Variants in ST3GAL2 observed in about 807,000 individuals in gnomAD.
The protein encoded by ST3GAL2 is ST3 beta-galactoside alpha-2,3-sialyltransferase 2.
A neutral mutation model predicts 37.5 loss-of-function variants in ST3GAL2; 16 were observed. The ratio of observed to expected loss-of-function variants is 0.43; its 90% CI spans 0.29 to 0.65. The LOEUF is 0.65. Ranked by LOEUF, ST3GAL2 falls within the 30% of genes least tolerant of loss-of-function variation. The pLI is 0.17. For missense variants in ST3GAL2, 383 were observed against 487.8 expected, an observed-to-expected ratio of 0.79 and a Z score of 2.02; for synonymous variants, 238 against 202.9, an observed-to-expected ratio of 1.17 and a Z score of -1.47.
chr16:70,436,979 T>A (rs946918205), intron 1 of ST3GAL2, among the ~76,000 whole-genome samples: 1 of 151,862 alleles, frequency 6.6e-6, no homozygotes, highest in Non-Finnish European at 1.5e-5. Context: ...CCTCCCCAAA[T>A]CCCCAATCCT....
At chr16:70,390,869 T>C (rs2047477660) in intron 3 of ST3GAL2, among the ~76,000 whole-genome samples, 1 of 152,222 alleles carries the variant, frequency 6.6e-6, no homozygotes, top group Non-Finnish European at 1.5e-5. Context: ...GTCTTTTTTT[T>C]TCTGTTATGA....
In ST3GAL2 at chr16:70,398,626, G is replaced by A; in HGVS notation, c.-96C>T. On this transcript the variant is annotated 5_prime_UTR_variant, in exon 2 of 7. Coordinates refer to ENST00000342907, the MANE Select transcript of ST3GAL2 (RefSeq NM_006927.4). Reference sequence around the variant, plus strand: ...TAGCCTGCCTATTCTGGCACCACATGCAAAGGGCATAGGGGCACGTGCTGC... The same window carrying A: ...TAGCCTGCCTATTCTGGCACCACATACAAAGGGCATAGGGGCACGTGCTGC... 8.1e-7 allele frequency: 1 copy of A among 1,241,798 alleles called. No individual in the cohort carries two copies. Among genetic ancestry groups the A allele is most frequent in the South Asian group, 1.4e-5 (1 of 69,038 alleles). The allele number at this position is 1,241,798 out of a possible 1,614,324, so 76.9% of individuals were successfully genotyped here.
intron 1 of ST3GAL2, among the ~76,000 whole-genome samples, chr16:70,429,801 C>T (rs1567678331): frequency 6.6e-6 from 1 of 151,650 alleles, no homozygotes; most frequent in African/African-American, 2.4e-5. Flanking sequence ...TCCACCACAC[C>T]CGGCTAATTT....
chr16:70,382,939 G>A lies in ST3GAL2; in HGVS notation c.760-15C>T. ...TAGATCTGGACCTGGGAGGAGAAGG[G>A]ATGACAGGTATATGAGGGGTTTAGG... On this transcript the variant is annotated splice_polypyrimidine_tract_variant and intron_variant, in intron 5 of 6. Transcript: ENST00000342907. 1 of 1,611,672 alleles carries A rather than the reference G, an allele frequency of 6.2e-7. No individual in the cohort carries two copies. The highest frequency in any genetic ancestry group is 1.1e-5 in the South Asian group (1 of 90,764).
At chr16:70,389,715 C>T (rs2047469590) in intron 3 of ST3GAL2, among the ~76,000 whole-genome samples, 2 of 152,222 alleles carry the variant, frequency 1.3e-5, no homozygotes, top group Non-Finnish European at 2.9e-5. Context: ...GCGCCGGCCT[C>T]GGCCTCCCAA....
intron 3 of ST3GAL2, among the ~76,000 whole-genome samples, chr16:70,390,826 A>G (rs918851347): frequency 2.6e-5 from 4 of 152,210 alleles, no homozygotes; most frequent in African/African-American, 9.7e-5. Flanking sequence ...ATCTTACGTA[A>G]CAGGTGAACC....
In ST3GAL2 at chr16:70,381,838, C is replaced by A. The variant is rs762166641; in HGVS notation, c.904G>T (p.Asp302Tyr). ...TAGTGGTGCCAGTTGCCCCGGCTGT[C>A]GGCCCCGAACCCGTACACGTTCACC... Reference protein sequence around the residue: ...DEVNVYGFGADSRGNWHHYWE... With the variant: ...DEVNVYGFGAYSRGNWHHYWE... Residue 302 changes from aspartate to tyrosine, a missense_variant, in exon 7 of 7, where the codon GAC becomes TAC. Transcript: ENST00000342907. The A allele has an allele frequency of 6.2e-7, 1 of 1,613,942 alleles. No individual in the cohort carries two copies. Among genetic ancestry groups the A allele is most frequent in the Non-Finnish European group, 8.5e-7 (1 of 1,179,934 alleles).
Position 70,376,585 on chromosome 16 carries a change from A to G in ST3GAL2, c.*5104T>C. 6.6e-6 allele frequency: 1 copy of G among 152,274 alleles called. No individual in the cohort carries two copies. Among genetic ancestry groups the G allele is most frequent in the South Asian group, 2.1e-4 (1 of 4,824 alleles). The allele number at this position is 152,274 out of a possible 1,614,324, so 9.4% of individuals were successfully genotyped here. A position where few individuals can be genotyped will look rare whatever the true frequency, so the allele number is the denominator to read the frequency against. ...CTGCAGGAGCTGTGATTTTTTTCACAAAAGTAGTGAGAAGGGGCATTGATT... is the reference window on the plus strand; with the variant it reads ...CTGCAGGAGCTGTGATTTTTTTCACGAAAGTAGTGAGAAGGGGCATTGATT... On this transcript the variant is annotated 3_prime_UTR_variant, in exon 7 of 7. Transcript: ENST00000342907.
intron 1 of ST3GAL2, among the ~76,000 whole-genome samples, chr16:70,416,225 T>C (rs941252238): frequency 2.6e-5 from 4 of 152,230 alleles, no homozygotes; most frequent in Admixed American, 2.6e-4. Flanking sequence ...AAGCATGAGA[T>C]GGGGTGCCCT....
intron 1 of ST3GAL2, among the ~76,000 whole-genome samples, chr16:70,433,638 A>G (rs1324127116): frequency 6.6e-6 from 1 of 152,070 alleles, no homozygotes; most frequent in Non-Finnish European, 1.5e-5. Flanking sequence ...GCACAGCTGG[A>G]GCAGATGCAT....
In ST3GAL2 at chr16:70,405,474, G is replaced by A. The variant is rs2047584189; in HGVS notation, c.-1003-5941C>T. Reference sequence around the variant, plus strand: ...GAGAATGGCATGAACCCGGGAGGCGGAGCTTGCAGTGAGCCGAGATTGCGC... The same window carrying A: ...GAGAATGGCATGAACCCGGGAGGCGAAGCTTGCAGTGAGCCGAGATTGCGC... On this transcript the variant is annotated intron_variant, in intron 1 of 6. Coordinates refer to ENST00000342907, the MANE Select transcript of ST3GAL2 (RefSeq NM_006927.4). Among the ~76,000 whole-genome samples, 5 of 150,922 alleles carry A rather than the reference G, an allele frequency of 3.3e-5. No individual in the cohort carries two copies. The South Asian group carries it at 1.0e-3, about 32-fold the overall frequency.
intron 1 of ST3GAL2, among the ~76,000 whole-genome samples, chr16:70,417,476 C>T (rs545466548): frequency 2.0e-5 from 3 of 152,356 alleles, no homozygotes; most frequent in Non-Finnish European, 4.4e-5. Flanking sequence ...CGGCCGTAAC[C>T]CCTTCCCCAG....
At chr16:70,382,051 C>T (rs868743431) in intron 6 of ST3GAL2, among the ~76,000 whole-genome samples, 189 bp from the exon 7 acceptor site, 1 of 129,290 alleles carries the variant, frequency 7.7e-6, no homozygotes, top group South Asian at 2.5e-4. Flanking sequence ...CAAATTCCTC[C>T]TTTTTTTTTT....
chr16:70,413,384 C>A (rs1486138817), intron 1 of ST3GAL2, among the ~76,000 whole-genome samples: 2 of 151,940 alleles, frequency 1.3e-5, no homozygotes, highest in Non-Finnish European at 2.9e-5. Flanking sequence ...CCACTGCACA[C>A]CAGCCTGGGC....
At chr16:70,429,526 T>C (rs2047773970) in intron 1 of ST3GAL2, among the ~76,000 whole-genome samples, 1 of 144,220 alleles carries the variant, frequency 6.9e-6, no homozygotes, top group Non-Finnish European at 1.5e-5. Context: ...GAGGCGGAGC[T>C]TGCAGTGAGC....
rs1201486967 is a variant in ST3GAL2 at position 70,410,394 on chromosome 16, G to T, written c.-1003-10861C>A. On this transcript the variant is annotated intron_variant, in intron 1 of 6. Transcript: ENST00000342907. ...GCCTCCCCCGTAGCTGGGACCACAGGTGCCCACCACCATGCCCGGCTAATT... is the reference window on the plus strand; with the variant it reads ...GCCTCCCCCGTAGCTGGGACCACAGTTGCCCACCACCATGCCCGGCTAATT... 3.3e-5 allele frequency among the ~76,000 whole-genome samples: 5 copies of T among 150,884 alleles called. No homozygotes were observed. The East Asian group carries it at 7.8e-4, about 23-fold the overall frequency.
At chr16:70,393,829 GC>G (rs1455952665) in intron 3 of ST3GAL2, 1 of 152,182 alleles carries the variant, frequency 6.6e-6, no homozygotes, top group Non-Finnish European at 1.5e-5. Flanking sequence ...ACATATTGCT[GC>G]CTTCGTGTTG....
chr16:70,391,102 G>T (rs908752128), intron 3 of ST3GAL2, among the ~76,000 whole-genome samples: 6 of 152,172 alleles, frequency 3.9e-5, no homozygotes, highest in Admixed American at 3.3e-4. Context: ...GCTGGGCTGG[G>T]TGAGGACTTG....
At chr16:70,432,049 A>G (rs1014380949) in intron 1 of ST3GAL2, among the ~76,000 whole-genome samples, 2 of 151,762 alleles carry the variant, frequency 1.3e-5, no homozygotes, top group African/African-American at 4.9e-5. Flanking sequence ...CTACTCAGGA[A>G]GCTGAGGTGG....
Sources: gnomAD v4.1 joint callset for allele counts (sites outside exome capture counted in the v4.1 genomes callset) on GRCh38, gnomAD v4.1.1 for gene constraint, MANE v1.5 for transcripts, NCBI Gene and HGNC (gene_info 2026-07-23, HGNC 2026-07-21) for gene names.